Variants in CSMD1 observed in about 807,000 individuals in gnomAD.
The protein encoded by CSMD1 is CUB and Sushi multiple domains 1.
Under a neutral mutation model 417.5 loss-of-function variants are expected in CSMD1, and 213 were observed. The ratio of observed to expected loss-of-function variants is 0.51; its 90% CI spans 0.46 to 0.57. The LOEUF (loss-of-function observed/expected upper bound fraction) is 0.57, where lower values mean the gene tolerates loss of function less well. Among genes scored for constraint, CSMD1 ranks in the 20% least tolerant of loss-of-function variants. CSMD1 has a pLI of 0.00. For missense variants in CSMD1, 6,923 were observed against 4,529.7 expected (o/e 1.53, Z -15.17); for synonymous variants, 2,862 against 1,736.8 (o/e 1.65, Z -16.11).
intron 11 of CSMD1, among the ~76,000 whole-genome samples, chr8:3,490,214 G>A (rs1818290268): frequency 1.3e-5 from 2 of 152,152 alleles, no homozygotes; most frequent in Non-Finnish European, 2.9e-5. Context: ...GATCCCGGCT[G>A]CATTATGTTT....
chr8:4,309,829 A>C (rs1336188073), intron 3 of CSMD1, among the ~76,000 whole-genome samples: 1 of 152,184 alleles, frequency 6.6e-6, no homozygotes, highest in Non-Finnish European at 1.5e-5. Context: ...CTTCATTTTA[A>C]ATATAGCTGT....
intron 1 of CSMD1, among the ~76,000 whole-genome samples, chr8:4,941,760 G>C (rs373042126): frequency 2.8e-4 from 42 of 152,094 alleles, no homozygotes; most frequent in South Asian, 1.9e-3. Flanking sequence ...CATTATGCCC[G>C]ACTGATTTTC....
chr8:3,308,303 C>A lies in CSMD1; in HGVS notation c.3823+9G>T. ...TTTTGCACAATGGTATGACTGCTTC[C>A]ACACTCACCTATGCACGAAGGTAGT... On this transcript the variant is annotated intron_variant, in intron 24 of 69. Coordinates refer to ENST00000635120, the MANE Select transcript of CSMD1 (RefSeq NM_033225.6). 1 of 1,593,692 alleles carries A rather than the reference C, an allele frequency of 6.3e-7. No individual in the cohort carries two copies. Among genetic ancestry groups the A allele is most frequent in the East Asian group, 2.3e-5 (1 of 44,242 alleles).
chr8:4,508,569 G>C (rs927439759), intron 2 of CSMD1, among the ~76,000 whole-genome samples: 2 of 152,100 alleles, frequency 1.3e-5, no homozygotes, highest in Non-Finnish European at 2.9e-5. Flanking sequence ...AGATCAAAGA[G>C]AATCAGAATA....
intron 10 of CSMD1, among the ~76,000 whole-genome samples, chr8:3,524,547 A>G (rs1797673834): frequency 6.6e-6 from 1 of 151,778 alleles, no homozygotes; most frequent in African/African-American, 2.4e-5. Flanking sequence ...ACAAGCACAC[A>G]CATGCACACA....
At chr8:3,435,422 C>G (rs964662573) in intron 12 of CSMD1, among the ~76,000 whole-genome samples, 2 of 152,138 alleles carry the variant, frequency 1.3e-5, no homozygotes, top group Non-Finnish European at 2.9e-5. Flanking sequence ...TGAAACATCA[C>G]CTGTGGATGC....
At chr8:4,404,142 C>G (rs940111439) in intron 3 of CSMD1, among the ~76,000 whole-genome samples, 1 of 152,278 alleles carries the variant, frequency 6.6e-6, no homozygotes, top group East Asian at 1.9e-4. Flanking sequence ...ATCTTTTTCT[C>G]AGCGTAGAGC....
chr8:4,949,032 A>G (rs995818676), intron 1 of CSMD1, among the ~76,000 whole-genome samples: 1 of 152,142 alleles, frequency 6.6e-6, no homozygotes, highest in Non-Finnish European at 1.5e-5. Flanking sequence ...TTTATCCTAA[A>G]TGAGTGTAAC....
intron 1 of CSMD1, among the ~76,000 whole-genome samples, chr8:4,862,277 T>G (rs1478946624): frequency 1.3e-5 from 2 of 151,986 alleles, no homozygotes; most frequent in African/African-American, 4.8e-5. Flanking sequence ...ACTGGGAGCC[T>G]GTAAGTGAGA....
At chr8:4,840,672 G>T (rs1013809567) in intron 1 of CSMD1, among the ~76,000 whole-genome samples, 2 of 152,154 alleles carry the variant, frequency 1.3e-5, no homozygotes, top group East Asian at 1.9e-4. Flanking sequence ...CAAAAAAGGT[G>T]CCTGTTATTA....
intron 5 of CSMD1, among the ~76,000 whole-genome samples, chr8:3,976,097 A>T (rs777635914): frequency 7.2e-5 from 11 of 152,104 alleles, no homozygotes; most frequent in Non-Finnish European, 1.6e-4. Flanking sequence ...CGAACTTGTA[A>T]GAATCTAATA....
chr8:4,006,411 G>T (rs979295899), intron 4 of CSMD1, among the ~76,000 whole-genome samples: 2 of 152,186 alleles, frequency 1.3e-5, no homozygotes, highest in African/African-American at 4.8e-5. Flanking sequence ...GGGTGTGGTG[G>T]TCCATGCCTG....
At chr8:4,970,211 T>C (rs1810152093) in intron 1 of CSMD1, among the ~76,000 whole-genome samples, 1 of 152,116 alleles carries the variant, frequency 6.6e-6, no homozygotes, top group Non-Finnish European at 1.5e-5. Flanking sequence ...GAATCTTGTT[T>C]CTTACTCTGC....
intron 12 of CSMD1, among the ~76,000 whole-genome samples, chr8:3,434,781 G>T (rs961435282): frequency 6.6e-6 from 1 of 152,208 alleles, no homozygotes; most frequent in East Asian, 1.9e-4. Context: ...TCATCTCCTG[G>T]AACAGACAGT....
chr8:4,171,490 T>C (rs1430886277), intron 3 of CSMD1, among the ~76,000 whole-genome samples: 1 of 151,904 alleles, frequency 6.6e-6, no homozygotes, highest in Non-Finnish European at 1.5e-5. Flanking sequence ...AACAGATGCA[T>C]ATGTGATCAA....
intron 3 of CSMD1, among the ~76,000 whole-genome samples, chr8:4,409,737 A>G (rs935705241): frequency 1.3e-5 from 2 of 151,912 alleles, no homozygotes; most frequent in African/African-American, 4.8e-5. Context: ...ATGGCAAAGG[A>G]ACATTAGCAC....
intron 3 of CSMD1, among the ~76,000 whole-genome samples, chr8:4,147,034 G>A (rs981341083): frequency 5.3e-5 from 8 of 151,986 alleles, no homozygotes; most frequent in African/African-American, 1.4e-4. Flanking sequence ...GAGATCGGGG[G>A]TTTTCTGGGC....
intron 2 of CSMD1, among the ~76,000 whole-genome samples, chr8:4,499,432 C>T (rs1359931586): frequency 6.6e-6 from 1 of 152,196 alleles, no homozygotes; most frequent in South Asian, 2.1e-4. Context: ...ACACATCTGA[C>T]AGACGAAACT....
intron 5 of CSMD1, among the ~76,000 whole-genome samples, chr8:3,935,299 A>G (rs1324247910): frequency 1.3e-5 from 2 of 152,204 alleles, no homozygotes; most frequent in African/African-American, 2.4e-5. Context: ...GATACACTCC[A>G]TATCAGCATG....
Sources: allele counts gnomAD v4.1 joint callset (sites outside exome capture counted in the v4.1 genomes callset), GRCh38; gene constraint gnomAD v4.1.1; transcripts MANE v1.5; gene names NCBI Gene and HGNC (gene_info 2026-07-23, HGNC 2026-07-21).